MRPS31: variants seen among roughly 807,000 people sequenced by gnomAD.
MRPS31 encodes small ribosomal subunit protein mS31.
In MRPS31, 32 loss-of-function variants were observed where a neutral mutation model predicts 43.1. The observed-to-expected ratio is 0.74, with a 90% CI of 0.56 to 1.00. The LOEUF (loss-of-function observed/expected upper bound fraction) is 1.00. Among genes scored for constraint, MRPS31 ranks in the 50% least tolerant of loss-of-function variants. The pLI, the probability that MRPS31 is intolerant of heterozygous loss-of-function variation, is 0.00. For synonymous variants in MRPS31, 165 were observed against 161.6 expected, an observed-to-expected ratio of 1.02 and a Z score of -0.16; for missense variants, 437 against 466.7, an observed-to-expected ratio of 0.94 and a Z score of 0.59.
intron 5 of MRPS31, among the ~76,000 whole-genome samples, chr13:40,751,876 T>G (rs1289580057): frequency 6.6e-6 from 1 of 152,202 alleles, no homozygotes; most frequent in South Asian, 2.1e-4. Context: ...ATAAAATATA[T>G]AAAACTTCAA....
Position 40,759,022 on chromosome 13 carries a change from T to G in MRPS31, c.525A>C (p.Ser175=). The G allele has an allele frequency of 6.2e-7, 1 of 1,608,882 alleles. No homozygotes were observed. The highest frequency in any genetic ancestry group is 1.3e-5 in the African/African-American group (1 of 74,926). Residue 175 remains serine, a synonymous_variant, in exon 3 of 7, where the codon TCA becomes TCC. Transcript: ENST00000323563. The stretch of plus-strand genomic sequence containing the variant: ...GCTGCTGGAGCTGGCTCAGCAGCTC[T>G]GACTTGGTTGTTTGCTTATCAAAAG... ...SLPFDKQTTK[S]ELLSQLQQHE...
chr13:40,765,418 G>A (rs921976870), intron 2 of MRPS31, among the ~76,000 whole-genome samples: 3 of 152,174 alleles, frequency 2.0e-5, no homozygotes, highest in African/African-American at 4.8e-5. Context: ...TACCATTTCT[G>A]TAATCGTTAA....
chr13:40,732,140 G>A (rs1258160712), intron 6 of MRPS31, among the ~76,000 whole-genome samples: 3 of 152,278 alleles, frequency 2.0e-5, no homozygotes, highest in Admixed American at 6.5e-5. Flanking sequence ...CAAGTCAAGC[G>A]GTTGGAAGAT....
intron 6 of MRPS31, among the ~76,000 whole-genome samples, chr13:40,742,265 C>G (rs1477913147): frequency 6.6e-6 from 1 of 152,068 alleles, no homozygotes; most frequent in Non-Finnish European, 1.5e-5. Flanking sequence ...AATAAGGTGA[C>G]AGGTTAATTG....
At chr13:40,767,498 A>C (rs576588977) in intron 1 of MRPS31, among the ~76,000 whole-genome samples, 1 of 152,372 alleles carries the variant, frequency 6.6e-6, no homozygotes, top group South Asian at 2.1e-4. Context: ...TAACTCCCTA[A>C]GGTCTCTATT....
chr13:40,745,038 C>T (rs1385603610), intron 6 of MRPS31, among the ~76,000 whole-genome samples: 7 of 152,216 alleles, frequency 4.6e-5, no homozygotes, highest in East Asian at 3.9e-4. Context: ...TCTCATGCCT[C>T]AGCCTCCTGA....
chr13:40,736,152 G>C (rs9577132), intron 6 of MRPS31, among the ~76,000 whole-genome samples: 61,957 of 147,424 alleles, frequency 0.42, 14,533 homozygotes, highest in East Asian at 0.76. Flanking sequence ...CTCAGGAGCC[G>C]ATGCGATCAA....
At chr13:40,739,918 C>G (rs2137997901) in intron 6 of MRPS31, among the ~76,000 whole-genome samples, 1 of 151,850 alleles carries the variant, frequency 6.6e-6, no homozygotes, top group African/African-American at 2.4e-5. Flanking sequence ...GCAATGGCAA[C>G]AAAAGACAAA....
At position 40,754,112 on chromosome 13, in the gene MRPS31, A is replaced by G; in HGVS notation, c.741-20T>C. 7.4e-7 allele frequency: 1 copy of G among 1,349,826 alleles called. No homozygotes were observed. The highest frequency in any genetic ancestry group is 1.2e-5 in the South Asian group (1 of 80,358). 83.6% of individuals were successfully genotyped at this position (1,349,826 alleles called of 1,614,324 possible). A position where few individuals can be genotyped will look rare whatever the true frequency, so the allele number is the denominator to read the frequency against. On this transcript the variant is annotated intron_variant, in intron 4 of 6. Transcript: ENST00000323563. Reference sequence around the variant, plus strand: ...TTTTTCCTAAGTCCAAAAAAAGAAAATAACATTTTAATGAATATATTTTAA... The same window carrying G: ...TTTTTCCTAAGTCCAAAAAAAGAAAGTAACATTTTAATGAATATATTTTAA...
chr13:40,750,146 G>A (rs748666587), intron 5 of MRPS31, among the ~76,000 whole-genome samples: 2 of 152,094 alleles, frequency 1.3e-5, no homozygotes, highest in African/African-American at 4.8e-5. Flanking sequence ...CAGGTGAATA[G>A]GTACAAAAAT....
chr13:40,754,049 T>G lies in MRPS31; in HGVS notation c.784A>C (p.Met262Leu). 6.2e-7 allele frequency: 1 copy of G among 1,601,204 alleles called. No homozygotes were observed. The highest frequency in any genetic ancestry group is 8.5e-7 in the Non-Finnish European group (1 of 1,172,476). ...TGKRLNIFDM[M>L]AVTKEAPETD... The stretch of plus-strand genomic sequence containing the variant: ...TCAGGTGCTTCTTTAGTAACTGCCA[T>G]CATGTCAAAAATATTAAGTCTTTTC... The change falls in exon 5 of 7, where the codon ATG becomes CTG. Residue 262 changes from methionine (M) to leucine (L), a missense_variant. Transcript: ENST00000323563.
rs1299399246 is a variant in MRPS31, at chr13:40,767,166, T to C, written c.153-133A>G. ...CAATTCAAGCCCTTTCCGTTGCTTT[T>C]TTTTTTTTGAGACGGAGTTTCGCTC... On this transcript the variant is annotated intron_variant, in intron 1 of 6. Coordinates refer to ENST00000323563, the MANE Select transcript of MRPS31 (RefSeq NM_005830.4). 5.4e-6 allele frequency: 4 copies of C among 740,250 alleles called. No homozygotes were observed. The African/African-American group carries it at 7.3e-5, about 14-fold the overall frequency. The allele number at this position is 740,250 out of a possible 1,614,324, so 45.9% of individuals were successfully genotyped here.
At chr13:40,748,114 C>T (rs971685800) in intron 6 of MRPS31, among the ~76,000 whole-genome samples, 16 of 152,146 alleles carry the variant, frequency 1.1e-4, no homozygotes, top group African/African-American at 3.9e-4. Context: ...GCTTTTCCAA[C>T]TTCTAGCTAA....
chr13:40,757,151 TA>T (rs1291627004), intron 3 of MRPS31, 138 bp from the exon 4 acceptor site: 2 of 620,868 alleles, frequency 3.2e-6, no homozygotes, highest in Non-Finnish European at 5.2e-6. Flanking sequence ...AATGTTTAAA[TA>T]AAAAATGTCG....
At chr13:40,758,804 AG>A in intron 3 of MRPS31, 143 bp downstream of exon 3, 1 of 750,422 alleles carries the variant, frequency 1.3e-6, no homozygotes. Context: ...TTTTTTAAAA[AG>A]TTGAATTGCT....
chr13:40,746,018 T>C (rs1173680241), intron 6 of MRPS31, among the ~76,000 whole-genome samples: 1 of 152,182 alleles, frequency 6.6e-6, no homozygotes, highest in East Asian at 1.9e-4. Context: ...CTATTCTCAA[T>C]TGGAAAAATA....
At chr13:40,759,978 T>A (rs1417071337) in intron 2 of MRPS31, among the ~76,000 whole-genome samples, 1 of 151,786 alleles carries the variant, frequency 6.6e-6, no homozygotes, top group Non-Finnish European at 1.5e-5. Context: ...GAATATAAAA[T>A]ATAAAAATTA....
rs1593441122 is a variant in MRPS31 at position 40,735,260 on chromosome 13, C to T, written c.959-5659G>A. On this transcript the variant is annotated intron_variant, in intron 6 of 6. Coordinates refer to ENST00000323563, the MANE Select transcript of MRPS31 (RefSeq NM_005830.4). ...AAACGGCGCACCAGATTATATCCCG[C>T]ACCTGGCTCAGAGGGTCCTACGCCC... 2.0e-5 allele frequency among the ~76,000 whole-genome samples: 3 copies of T among 152,244 alleles called. No individual in the cohort carries two copies. The South Asian group carries it at 6.2e-4, about 31-fold the overall frequency.
At chr13:40,750,441 A>G (rs1880354386) in intron 5 of MRPS31, among the ~76,000 whole-genome samples, 1 of 152,096 alleles carries the variant, frequency 6.6e-6, no homozygotes, top group Non-Finnish European at 1.5e-5. Flanking sequence ...GAAAATGTTT[A>G]AAATTATAAC....
Sources: gnomAD v4.1 joint callset for allele counts (sites outside exome capture counted in the v4.1 genomes callset) on GRCh38, gnomAD v4.1.1 for gene constraint, MANE v1.5 for transcripts, NCBI Gene and HGNC (gene_info 2026-07-23, HGNC 2026-07-21) for gene names.